The following GPR39 variants were observed in gnomAD, a reference collection of about 807,000 sequenced individuals.
GPR39 encodes the protein G protein-coupled receptor 39, also known as zinc sensing receptor.
GPR39 carries 23 observed loss-of-function variants against 18.4 expected under a neutral mutation model. The ratio of observed to expected loss-of-function variants is 1.25; its 90% CI spans 0.90 to 1.77. The LOEUF is 1.77. GPR39 is among the 40% of genes most tolerant of loss of function. The pLI is 0.00. For synonymous variants in GPR39, 280 were observed against 257.9 expected, an observed-to-expected ratio of 1.09 and a Z score of -0.82; for missense variants, 647 against 602.4, an observed-to-expected ratio of 1.07 and a Z score of -0.78.
Position 132,417,823 on chromosome 2 carries a change from A to C in GPR39, c.781A>C (p.Thr261Pro). The change falls in exon 1 of 2, where the codon ACG becomes CCG. Residue 261 changes from threonine to proline, a missense_variant. Physicochemically the swap from Thr to Pro is conservative, Grantham distance 38. Transcript: ENST00000329321. ...CCAGAAGGGCTCGCTGGCCGGGGGC[A>C]CGCGGCCTCCGCAGCTGAGGAAGTC... The part of the protein sequence containing the change: ...KSQKGSLAGG[T>P]RPPQLRKSES... 6.2e-7 allele frequency: 1 copy of C among 1,613,802 alleles called. No homozygotes were observed. The highest frequency in any genetic ancestry group is 8.5e-7 in the Non-Finnish European group (1 of 1,180,020).
At chr2:132,594,490 C>G (rs935528869) in intron 1 of GPR39, among the ~76,000 whole-genome samples, 2 of 151,794 alleles carry the variant, frequency 1.3e-5, no homozygotes, top group Non-Finnish European at 1.5e-5. Context: ...TCTTTCCTAT[C>G]CCTCTGGGCG....
chr2:132,449,235 T>TTTTGTTTG (rs139138810), intron 1 of GPR39, among the ~76,000 whole-genome samples: 2,800 of 82,772 alleles, frequency 0.034, 93 homozygotes, highest in African/African-American at 0.089. Flanking sequence ...CTTCGTGTTT[T>TTTTGTTTG]TTTGTTTGTT....
chr2:132,533,625 A>ATGGGTTTTGGTTG (rs1467820157), intron 1 of GPR39, among the ~76,000 whole-genome samples: 2 of 152,180 alleles, frequency 1.3e-5, no homozygotes, highest in African/African-American at 2.4e-5. Context: ...CCAAAACAGC[A>ATGGGTTTTGGTTG]TGGTACTGGT....
intron 1 of GPR39, among the ~76,000 whole-genome samples, chr2:132,491,389 A>G (rs896394336): frequency 2.0e-5 from 3 of 152,046 alleles, no homozygotes; most frequent in Non-Finnish European, 4.4e-5. Flanking sequence ...CCTAATTCTA[A>G]TATTTAACTT....
chr2:132,602,591 G>A (rs1681061653), intron 1 of GPR39, among the ~76,000 whole-genome samples: 1 of 152,052 alleles, frequency 6.6e-6, no homozygotes, highest in Non-Finnish European at 1.5e-5. Flanking sequence ...TGAAGTGGGT[G>A]AAGAGAAAAC....
intron 1 of GPR39, among the ~76,000 whole-genome samples, chr2:132,627,680 A>C (rs1044932100): frequency 1.3e-5 from 2 of 152,214 alleles, no homozygotes; most frequent in Non-Finnish European, 2.9e-5. Context: ...CCCTCACTGC[A>C]CAGTGCTGTT....
intron 1 of GPR39, among the ~76,000 whole-genome samples, chr2:132,443,181 CTA>C (rs1304086707): frequency 2.0e-5 from 3 of 151,968 alleles, no homozygotes; most frequent in African/African-American, 7.3e-5. Flanking sequence ...TATATTAAAA[CTA>C]TTGATTTGAA....
At chr2:132,589,782 C>T (rs1359529842) in intron 1 of GPR39, among the ~76,000 whole-genome samples, 2 of 152,198 alleles carry the variant, frequency 1.3e-5, no homozygotes, top group Non-Finnish European at 2.9e-5. Context: ...ATTAAAATTA[C>T]ACTTAACTTG....
At chr2:132,644,158 C>T (rs1681934786) in intron 1 of GPR39, among the ~76,000 whole-genome samples, 1 of 152,180 alleles carries the variant, frequency 6.6e-6, no homozygotes, top group African/African-American at 2.4e-5. Flanking sequence ...TGTTTGTGGT[C>T]TATGTAGCAT....
intron 1 of GPR39, among the ~76,000 whole-genome samples, chr2:132,589,504 A>G (rs1258236686): frequency 6.6e-6 from 1 of 152,230 alleles, no homozygotes; most frequent in Non-Finnish European, 1.5e-5. Flanking sequence ...ACTAATAGGC[A>G]CTATGCTCCT....
chr2:132,529,421 C>G (rs560447063), intron 1 of GPR39, among the ~76,000 whole-genome samples: 3 of 152,250 alleles, frequency 2.0e-5, no homozygotes, highest in African/African-American at 7.2e-5. Context: ...GGTTCCACCT[C>G]TGGGGGCAGG....
intron 1 of GPR39, among the ~76,000 whole-genome samples, chr2:132,485,445 A>G (rs915291683): frequency 1.2e-4 from 18 of 152,214 alleles, no homozygotes; most frequent in African/African-American, 4.1e-4. Flanking sequence ...ATTTCTCTAT[A>G]GCAAGCAATA....
chr2:132,595,736 T>A (rs1473023844), intron 1 of GPR39, among the ~76,000 whole-genome samples: 1 of 152,174 alleles, frequency 6.6e-6, no homozygotes. Context: ...TTTGTTGTGA[T>A]CAAAGTGTGT....
intron 1 of GPR39, among the ~76,000 whole-genome samples, chr2:132,448,338 G>A (rs115785372): frequency 0.012 from 1,871 of 152,290 alleles, 44 homozygotes; most frequent in African/African-American, 0.043. Flanking sequence ...AGCCAAGCAG[G>A]AAGTAATTGA....
At chr2:132,532,056 C>T (rs1679647404) in intron 1 of GPR39, among the ~76,000 whole-genome samples, 2 of 152,002 alleles carry the variant, frequency 1.3e-5, no homozygotes, top group Admixed American at 1.3e-4. Flanking sequence ...TCAATGAATC[C>T]AGGAGCTGGT....
chr2:132,602,177 T>C (rs1184567235), intron 1 of GPR39, among the ~76,000 whole-genome samples: 1 of 152,080 alleles, frequency 6.6e-6, no homozygotes, highest in African/African-American at 2.4e-5. Context: ...CACAGCATAA[T>C]GGTATAAAAA....
At chr2:132,456,562 T>C (rs552408678) in intron 1 of GPR39, among the ~76,000 whole-genome samples, 5 of 152,342 alleles carry the variant, frequency 3.3e-5, no homozygotes, top group African/African-American at 1.2e-4. Context: ...TGATGCAGTT[T>C]CTTCATAGCA....
At chr2:132,530,242 A>G (rs1038525503) in intron 1 of GPR39, among the ~76,000 whole-genome samples, 2 of 152,234 alleles carry the variant, frequency 1.3e-5, no homozygotes, top group Non-Finnish European at 2.9e-5. Context: ...ATCAACTGGA[A>G]GAAAGGGTAT....
chr2:132,596,085 A>G (rs1473335657), intron 1 of GPR39, among the ~76,000 whole-genome samples: 1 of 152,174 alleles, frequency 6.6e-6, no homozygotes, highest in East Asian at 1.9e-4. Context: ...AGCACAGTGC[A>G]GGGAAGAACA....
Sources: allele counts gnomAD v4.1 joint callset (sites outside exome capture counted in the v4.1 genomes callset), GRCh38; gene constraint gnomAD v4.1.1; transcripts MANE v1.5; gene names NCBI Gene and HGNC (gene_info 2026-07-23, HGNC 2026-07-21).